Variants in TUBGCP5 observed in about 807,000 individuals in gnomAD.
TUBGCP5 encodes the protein tubulin gamma complex component 5.
TUBGCP5 carries 98 observed loss-of-function variants against 134.7 expected under a neutral mutation model. The ratio of observed to expected loss-of-function variants is 0.73; its 90% CI spans 0.62 to 0.86. TUBGCP5 has a LOEUF of 0.86. Among genes scored for constraint, TUBGCP5 ranks in the 40% least tolerant of loss-of-function variants. The pLI, the probability that TUBGCP5 is intolerant of heterozygous loss-of-function variation, is 0.00. For missense variants in TUBGCP5, 1,150 were observed against 1,244.8 expected (o/e 0.92, Z 1.15); for synonymous variants, 456 against 431.4 (o/e 1.06, Z -0.71).
chr15:23,026,073 A>G (rs761237445), intron 8 of TUBGCP5, 43 bp downstream of exon 8: 32 of 1,509,378 alleles, frequency 2.1e-5, no homozygotes, highest in Non-Finnish European at 2.9e-5. Context: ...CTTCTCAGTA[A>G]TCAAGTCTCA....
In TUBGCP5 at chr15:23,039,451, G is replaced by T; in HGVS notation, c.93C>A (p.Asp31Glu). 1 of 1,548,804 alleles carries T rather than the reference G, an allele frequency of 6.5e-7. No individual in the cohort carries two copies. Among genetic ancestry groups the T allele is most frequent in the Non-Finnish European group, 8.7e-7 (1 of 1,144,924 alleles). ...ELVRGVAGLQ[D>E]EADPNFQLAL... is the part of the protein sequence containing the mutation. ...CGAGCTGGAAGTTGGGGTCTGCCTC[G>T]TCCTGGAGGCCGGCGACACCCCGGA... Residue 31 changes from aspartate to glutamate, a missense_variant, in exon 1 of 23, where the codon GAC (aspartate) becomes GAA (glutamate). By Grantham distance (45) the Asp-to-Glu change is conservative. Transcript: ENST00000615383.
rs370743460 is a variant in TUBGCP5, at chr15:23,006,237, C to T, written c.2412+31G>A. On this transcript the variant is annotated intron_variant, in intron 17 of 22. Transcript: ENST00000615383. ...TGCATGTTTTAATGTTAGCAGAAAA[C>T]ACGGTTCATACAAGGAATATCAGCA... is the stretch of plus-strand genomic sequence containing the variant. 34 of 1,608,386 alleles carry T rather than the reference C, an allele frequency of 2.1e-5. No individual in the cohort carries two copies. In the Middle Eastern group the frequency reaches 4.9e-4, roughly 23 times the overall value.
rs1375111287 is a variant in TUBGCP5, at chr15:23,005,470, G to T, written c.2674C>A (p.His892Asn). ...RMFLLRVKLM[H>N]FVNSLHNYIM... ...TAGTTGTGCAAGCTGTTCACGAAAT[G>T]CATGAGCTTCACTCTTAAGAGGAAC... The change falls in exon 19 of 23, where the codon CAT (histidine) becomes AAT (asparagine). Residue 892 changes from histidine (H) to asparagine (N), a missense_variant. By Grantham distance (68) the His-to-Asn change is moderately conservative. This residue lies in a region of TUBGCP5 where 697 missense variants were observed against 850.1 expected (regional missense o/e 0.82). Coordinates refer to ENST00000615383, the MANE Select transcript of TUBGCP5 (RefSeq NM_052903.6). 4.3e-6 allele frequency: 7 copies of T among 1,614,064 alleles called. No homozygotes were observed. Among genetic ancestry groups the T allele is most frequent in the Non-Finnish European group, 5.9e-6 (7 of 1,180,034 alleles).
chr15:23,005,847 T>C (rs2064677537), intron 18 of TUBGCP5: 1 of 673,120 alleles, frequency 1.5e-6, no homozygotes, highest in Non-Finnish European at 2.4e-6. Flanking sequence ...AACTTCCTGA[T>C]CTTTCTTTCA....
chr15:23,002,437 G>A (rs1164649911), intron 21 of TUBGCP5, among the ~76,000 whole-genome samples: 2 of 152,152 alleles, frequency 1.3e-5, no homozygotes, highest in Non-Finnish European at 2.9e-5. Flanking sequence ...ACAAAATATT[G>A]AGCTGTACAC....
intron 14 of TUBGCP5, among the ~76,000 whole-genome samples, chr15:23,010,777 G>A (rs1042969676): frequency 2.0e-5 from 3 of 151,990 alleles, no homozygotes; most frequent in Non-Finnish European, 2.9e-5. Flanking sequence ...TCAGGAGTTC[G>A]AGGCAAGCCT....
intron 23 of TUBGCP5, among the ~76,000 whole-genome samples, chr15:22,991,749 A>T (rs1024597799): frequency 2.0e-5 from 3 of 152,242 alleles, no homozygotes; most frequent in Admixed American, 6.5e-5. Context: ...CTCAAAGAAC[A>T]GAAGTCAGTG....
At chr15:22,989,090 G>A (rs578158756) in intron 23 of TUBGCP5, among the ~76,000 whole-genome samples, 59 of 152,198 alleles carry the variant, frequency 3.9e-4, no homozygotes, top group African/African-American at 7.9e-4. Flanking sequence ...TTTAGGAGCC[G>A]TGTGACGACA....
chr15:22,986,133 C>CAAAAAA (rs35699215), intron 23 of TUBGCP5, among the ~76,000 whole-genome samples: 3 of 114,088 alleles, frequency 2.6e-5, no homozygotes, highest in Admixed American at 9.7e-5. Flanking sequence ...GACTCTGTCT[C>CAAAAAA]AAAAAAAAAA....
intron 11 of TUBGCP5, 189 bp from the exon 12 acceptor site, chr15:23,019,523 C>T (rs1413123817): frequency 5.3e-6 from 3 of 570,260 alleles, no homozygotes; most frequent in South Asian, 2.2e-5. Context: ...AAATGCCGGG[C>T]GTGGTGGCTC....
chr15:23,029,894 G>A (rs895763609), intron 6 of TUBGCP5, among the ~76,000 whole-genome samples: 1 of 134,752 alleles, frequency 7.4e-6, no homozygotes, highest in Non-Finnish European at 1.5e-5. Context: ...AAAAGGGGGT[G>A]GGGGGGAAGA....
intron 3 of TUBGCP5, among the ~76,000 whole-genome samples, chr15:23,034,496 G>A (rs1349320542): frequency 6.6e-6 from 1 of 152,204 alleles, no homozygotes; most frequent in Non-Finnish European, 1.5e-5. Context: ...GTGTTCCAAT[G>A]AAAAATAAAG....
chr15:23,012,883 C>G (rs1373641135), intron 13 of TUBGCP5, among the ~76,000 whole-genome samples: 2 of 151,844 alleles, frequency 1.3e-5, no homozygotes, highest in Non-Finnish European at 2.9e-5. Context: ...GGTGGATCAG[C>G]TGAGGTCAGG....
At chr15:23,027,669 G>C (rs1333809663) in intron 6 of TUBGCP5, among the ~76,000 whole-genome samples, 1 of 151,906 alleles carries the variant, frequency 6.6e-6, no homozygotes, top group Non-Finnish European at 1.5e-5. Context: ...GACTGGTTGA[G>C]CCAAGAGGTT....
At chr15:23,000,172 G>T in intron 22 of TUBGCP5, 1 of 848,992 alleles carries the variant, frequency 1.2e-6, no homozygotes, top group Non-Finnish European at 1.6e-6. Context: ...CTCCCAAAGG[G>T]CTGGGATTAG....
intron 12 of TUBGCP5, 116 bp downstream of exon 12, chr15:23,019,103 G>T: frequency 1.6e-6 from 1 of 632,356 alleles, no homozygotes; most frequent in African/African-American, 1.8e-5. Context: ...GACAAGTTCT[G>T]TGATGTGAAC....
rs77898395 is a variant in TUBGCP5, at chr15:23,013,102, G to A, written c.1757-1771C>T. Among the ~76,000 whole-genome samples the A allele has an allele frequency of 0.083, 12,588 of 151,646 alleles. 632 individuals carry two copies. Among genetic ancestry groups the A allele is most frequent in the African/African-American group, 0.13 (5,461 of 41,300 alleles). ...GCCAGCAAGGTGGCTGCCTGGAGAC[G>A]TCTGGTGTTCCTCTCCCAACAGCAA... On this transcript the variant is annotated intron_variant, in intron 13 of 22. Transcript: ENST00000615383. This position sits in a 1 kb window ranked among gnomAD's most constrained non-coding sequence, Gnocchi z 4.5.
At chr15:23,004,250 C>A (rs745757122) in intron 19 of TUBGCP5, 23 bp from the exon 20 acceptor site, 1 of 1,601,672 alleles carries the variant, frequency 6.2e-7, no homozygotes, top group South Asian at 1.1e-5. Context: ...AGATAAAAAG[C>A]TTCATCAGCA....
intron 13 of TUBGCP5, among the ~76,000 whole-genome samples, chr15:23,015,965 C>T (rs1016919859): frequency 1.3e-5 from 2 of 152,110 alleles, no homozygotes; most frequent in Non-Finnish European, 2.9e-5. Flanking sequence ...AGCAAAGAAA[C>T]ATGACACCTC....
Sources: gnomAD v4.1 joint callset for allele counts (sites outside exome capture counted in the v4.1 genomes callset) on GRCh38, gnomAD v4.1.1 for gene constraint, gnomAD v4.1.1 regional missense constraint, Gnocchi (gnomAD v3.1) non-coding constraint, MANE v1.5 for transcripts, NCBI Gene and HGNC (gene_info 2026-07-23, HGNC 2026-07-21) for gene names.